DSCAM: variants seen among roughly 807,000 people sequenced by gnomAD.
DSCAM encodes DS cell adhesion molecule.
Under a neutral mutation model 217.7 loss-of-function variants are expected in DSCAM, and 47 were observed. That is an observed-to-expected ratio of 0.22 (90% CI 0.17 to 0.28). DSCAM has a LOEUF of 0.28. Among genes scored for constraint, DSCAM ranks in the 10% least tolerant of loss-of-function variants. The pLI is 1.00. For synonymous variants in DSCAM, 1,056 were observed against 1,015.3 expected, an observed-to-expected ratio of 1.04 and a Z score of -0.76; for missense variants, 2,080 against 2,618.3, an observed-to-expected ratio of 0.79 and a Z score of 4.49.
chr21:40,543,906 GTTCA>G (rs1260887764), intron 3 of DSCAM, among the ~76,000 whole-genome samples: 2 of 152,164 alleles, frequency 1.3e-5, no homozygotes, highest in South Asian at 2.1e-4. Flanking sequence ...TCTCGGTTGT[GTTCA>G]TTATTTGTCT....
intron 10 of DSCAM, among the ~76,000 whole-genome samples, chr21:40,279,972 G>A (rs1420919402): frequency 6.6e-6 from 1 of 151,956 alleles, no homozygotes; most frequent in Non-Finnish European, 1.5e-5. Context: ...GGGGGTGGGG[G>A]CAAGGGGAGT....
intron 1 of DSCAM, among the ~76,000 whole-genome samples, chr21:40,751,375 A>G (rs2091226591): frequency 6.6e-6 from 1 of 152,198 alleles, no homozygotes; most frequent in Non-Finnish European, 1.5e-5. Flanking sequence ...CTACCTTAAG[A>G]TGAAGGCTTC....
At chr21:40,812,175 G>A (rs779578049) in intron 1 of DSCAM, among the ~76,000 whole-genome samples, 1 of 152,200 alleles carries the variant, frequency 6.6e-6, no homozygotes, top group Non-Finnish European at 1.5e-5. Flanking sequence ...CAGAGAAACA[G>A]AATTGAATCA....
chr21:40,376,505 T>TATATAG lies in DSCAM; in HGVS notation c.509-7261_509-7260insCTATAT, dbSNP rs1222776224. 2.3e-4 allele frequency among the ~76,000 whole-genome samples: 26 copies of TATATAG among 111,884 alleles called. 2 individuals carry two copies. Among genetic ancestry groups the TATATAG allele is most frequent in the Admixed American group, 1.3e-3 (13 of 9,678 alleles). 73.4% of individuals were successfully genotyped at this position (111,884 alleles called of 152,430 possible). A position where few individuals can be genotyped will look rare whatever the true frequency, so the allele number is the denominator to read the frequency against. ...ATCTTATATAGATATCTATATATCT[T>TATATAG]ATATCGATATCTATATATCTTATAT... is the stretch of plus-strand genomic sequence containing the variant. On this transcript the variant is annotated intron_variant, in intron 3 of 32. Coordinates refer to ENST00000400454, the MANE Select transcript of DSCAM (RefSeq NM_001389.5).
chr21:40,758,459 G>C (rs1601222398), intron 1 of DSCAM, among the ~76,000 whole-genome samples: 1 of 148,588 alleles, frequency 6.7e-6, no homozygotes, highest in Admixed American at 6.9e-5. Context: ...GGAGCTTGCA[G>C]TGAGCCGAGG....
intron 3 of DSCAM, among the ~76,000 whole-genome samples, chr21:40,444,809 T>G (rs921566749): frequency 1.3e-5 from 2 of 152,148 alleles, no homozygotes; most frequent in Non-Finnish European, 2.9e-5. Flanking sequence ...AGATTACATA[T>G]GATGGTGGGA....
In DSCAM at chr21:40,012,361, T is replaced by C. The variant is rs1300382558; in HGVS notation, c.*673A>G. 6.6e-6 allele frequency: 1 copy of C among 152,054 alleles called. No homozygotes were observed. The allele number at this position is 152,054 out of a possible 1,614,324, so 9.4% of individuals were successfully genotyped here. A position where few individuals can be genotyped will look rare whatever the true frequency, so the allele number is the denominator to read the frequency against. ...TGGTGTTTCCAAACAGAAGTGTCAA[T>C]GGGAAGGAGGACCAGGCCACTGGCA... On this transcript the variant is annotated 3_prime_UTR_variant, in exon 33 of 33. Transcript: ENST00000400454.
intron 3 of DSCAM, chr21:40,618,960 G>C (rs2089443090): frequency 6.6e-6 from 1 of 152,180 alleles, no homozygotes; most frequent in African/African-American, 2.4e-5. Flanking sequence ...GGCATGACAG[G>C]CCTCGCAATC....
At chr21:40,726,851 G>A (rs1260014536) in intron 1 of DSCAM, among the ~76,000 whole-genome samples, 1 of 152,136 alleles carries the variant, frequency 6.6e-6, no homozygotes, top group Non-Finnish European at 1.5e-5. Flanking sequence ...GATTGATGGA[G>A]TAATGGATTA....
intron 11 of DSCAM, among the ~76,000 whole-genome samples, chr21:40,231,739 G>C (rs1178026340): frequency 6.6e-6 from 1 of 152,126 alleles, no homozygotes; most frequent in African/African-American, 2.4e-5. Context: ...CTGGGCTCAA[G>C]TGATCCTCCT....
At chr21:40,397,419 C>T (rs189987639) in intron 3 of DSCAM, among the ~76,000 whole-genome samples, 2 of 152,130 alleles carry the variant, frequency 1.3e-5, no homozygotes, top group East Asian at 1.9e-4. Context: ...CTGCTTTCAC[C>T]GTGTGACATG....
intron 3 of DSCAM, among the ~76,000 whole-genome samples, chr21:40,433,217 G>A (rs996990623): frequency 2.6e-5 from 4 of 151,936 alleles, no homozygotes; most frequent in Non-Finnish European, 5.9e-5. Flanking sequence ...AATTAGCCGG[G>A]CATGGTAGGT....
At chr21:40,775,833 C>G (rs879833211) in intron 1 of DSCAM, among the ~76,000 whole-genome samples, 3 of 152,146 alleles carry the variant, frequency 2.0e-5, no homozygotes, top group Admixed American at 1.3e-4. Context: ...TTCTGGAGAT[C>G]TTGGTTCTTT....
intron 5 of DSCAM, among the ~76,000 whole-genome samples, chr21:40,348,407 GAGA>G (rs2074588581): frequency 1.0e-5 from 1 of 96,842 alleles, no homozygotes; most frequent in Non-Finnish European, 2.0e-5. Context: ...TCATACCCTA[GAGA>G]GTTCCTATCA....
intron 8 of DSCAM, among the ~76,000 whole-genome samples, chr21:40,337,818 C>G (rs916172889): frequency 6.6e-6 from 1 of 152,196 alleles, no homozygotes. Flanking sequence ...GATAATGAAG[C>G]TAATGATGTG....
At chr21:40,240,399 C>T (rs1601473500) in intron 11 of DSCAM, among the ~76,000 whole-genome samples, 1 of 126,142 alleles carries the variant, frequency 7.9e-6, no homozygotes, top group Non-Finnish European at 1.6e-5. Flanking sequence ...CTAACTCTAC[C>T]CATTCTAATG....
intron 8 of DSCAM, among the ~76,000 whole-genome samples, chr21:40,330,219 TG>T (rs920612133): frequency 6.7e-5 from 10 of 149,044 alleles, no homozygotes; most frequent in African/African-American, 2.4e-4. Context: ...CAATATGTAA[TG>T]TAATATATGC....
intron 3 of DSCAM, among the ~76,000 whole-genome samples, chr21:40,395,183 G>C (rs550192391): frequency 1.3e-5 from 2 of 152,124 alleles, no homozygotes; most frequent in Admixed American, 1.3e-4. Context: ...AAAATAATTT[G>C]ATGTGGTGCA....
intron 11 of DSCAM, among the ~76,000 whole-genome samples, chr21:40,214,101 G>A (rs1030712832): frequency 8.5e-5 from 13 of 152,234 alleles, no homozygotes; most frequent in Non-Finnish European, 2.9e-5. Flanking sequence ...ATACCTGGGT[G>A]TAGAGAACAA....
Sources: allele counts gnomAD v4.1 joint callset (sites outside exome capture counted in the v4.1 genomes callset), GRCh38; gene constraint gnomAD v4.1.1; transcripts MANE v1.5; gene names NCBI Gene and HGNC (gene_info 2026-07-23, HGNC 2026-07-21).